Variants in LRRIQ1 observed in about 807,000 individuals in gnomAD.
LRRIQ1 encodes leucine-rich repeat- and IQ domain-containing protein 1.
In LRRIQ1, 210 loss-of-function variants were observed where a neutral mutation model predicts 211.9. The observed-to-expected ratio is 0.99, with a 90% CI of 0.89 to 1.11. The LOEUF (loss-of-function observed/expected upper bound fraction) is 1.11. Ranked by LOEUF, LRRIQ1 falls within the 50% of genes most tolerant of loss-of-function variation. LRRIQ1 has a pLI of 0.00. For synonymous variants in LRRIQ1, 699 were observed against 650.1 expected (o/e 1.08, Z -1.14); for missense variants, 2,136 against 1,939.5 (o/e 1.10, Z -1.90).
At chr12:85,069,894 G>A (rs530453605) in intron 10 of LRRIQ1, among the ~76,000 whole-genome samples, 1 of 151,950 alleles carries the variant, frequency 6.6e-6, no homozygotes, top group African/African-American at 2.4e-5. Flanking sequence ...TAGGTTGCCT[G>A]TTCACTCTGA....
intron 25 of LRRIQ1, among the ~76,000 whole-genome samples, chr12:85,230,129 G>GTGAGC (rs899752184): frequency 1.2e-4 from 19 of 152,146 alleles, no homozygotes; most frequent in African/African-American, 4.6e-4. Flanking sequence ...TGGCGTACAG[G>GTGAGC]TGAGCTACAA....
At chr12:85,051,469 T>TGATG (rs1191688918) in intron 6 of LRRIQ1, among the ~76,000 whole-genome samples, 2 of 152,190 alleles carry the variant, frequency 1.3e-5, no homozygotes, top group African/African-American at 4.8e-5. Context: ...ATAAAAACAG[T>TGATG]GATGTAATTA....
intron 11 of LRRIQ1, among the ~76,000 whole-genome samples, chr12:85,082,734 T>G: frequency 6.6e-6 from 1 of 152,252 alleles, no homozygotes; most frequent in Non-Finnish European, 1.5e-5. Context: ...TGTTTTATTA[T>G]TTCTGCTAAC....
chr12:85,233,430 G>T (rs1156700562), intron 26 of LRRIQ1, among the ~76,000 whole-genome samples: 2 of 152,016 alleles, frequency 1.3e-5, no homozygotes, highest in Non-Finnish European at 2.9e-5. Flanking sequence ...GGCCTTTTTG[G>T]TAGGTGAAAA....
intron 11 of LRRIQ1, among the ~76,000 whole-genome samples, chr12:85,087,985 A>G (rs1327753096): frequency 6.6e-6 from 1 of 152,128 alleles, no homozygotes; most frequent in Non-Finnish European, 1.5e-5. Context: ...TTTTGTTGCC[A>G]TTGCTTTCGG....
At chr12:85,113,907 T>TTGTGTGTG (rs71076112) in intron 15 of LRRIQ1, among the ~76,000 whole-genome samples, 6,533 of 140,872 alleles carry the variant, frequency 0.046, 316 homozygotes, top group African/African-American at 0.12. Flanking sequence ...CAAATGAGTT[T>TTGTGTGTG]TGTGTGTGTG....
chr12:85,040,000 T>TA (rs1333595137), intron 2 of LRRIQ1, among the ~76,000 whole-genome samples: 1 of 151,642 alleles, frequency 6.6e-6, no homozygotes, highest in Non-Finnish European at 1.5e-5. Context: ...ACATAGGCTA[T>TA]ATTGGTAGAT....
At chr12:85,174,612 G>A (rs1329135853) in intron 24 of LRRIQ1, among the ~76,000 whole-genome samples, 1 of 144,348 alleles carries the variant, frequency 6.9e-6, no homozygotes, top group African/African-American at 2.6e-5. Context: ...TGAGAAAAGA[G>A]AATCACTTGA....
chr12:85,109,934 C>T (rs1462279160), intron 15 of LRRIQ1, among the ~76,000 whole-genome samples: 3 of 152,016 alleles, frequency 2.0e-5, no homozygotes, highest in African/African-American at 7.2e-5. Flanking sequence ...GTAGCTGGGA[C>T]AAGAGGTGTA....
intron 24 of LRRIQ1, among the ~76,000 whole-genome samples, chr12:85,192,507 A>AAT (rs1328661967): frequency 8.1e-6 from 1 of 123,932 alleles, no homozygotes; most frequent in Non-Finnish European, 1.6e-5. Context: ...ATTATATATA[A>AAT]ATATATATAG....
chr12:85,243,727 T>C (rs1895580721), intron 26 of LRRIQ1, among the ~76,000 whole-genome samples: 1 of 151,410 alleles, frequency 6.6e-6, no homozygotes, highest in African/African-American at 2.4e-5. Flanking sequence ...TAGAAGTATA[T>C]TAAAATAAAT....
At chr12:85,225,027 A>G (rs554081464) in intron 24 of LRRIQ1, among the ~76,000 whole-genome samples, 27 of 152,162 alleles carry the variant, frequency 1.8e-4, no homozygotes, top group Non-Finnish European at 3.8e-4. Context: ...AAGAAGACAT[A>G]TAATTACAGT....
intron 12 of LRRIQ1, 111 bp from the exon 13 acceptor site, chr12:85,098,756 C>A: frequency 1.2e-6 from 1 of 802,626 alleles, no homozygotes; most frequent in Non-Finnish European, 1.9e-6. Context: ...ATGATATGCA[C>A]TTTATCAGAA....
At chr12:85,124,725 T>A (rs913724464) in intron 17 of LRRIQ1, 2 of 486,156 alleles carry the variant, frequency 4.1e-6, no homozygotes, top group African/African-American at 4.0e-5. Context: ...TTGATTAAAT[T>A]CTCATTTAAT....
chr12:85,256,407 C>T (rs1349832605), intron 1 of LRRIQ1, among the ~76,000 whole-genome samples: 1 of 151,458 alleles, frequency 6.6e-6, no homozygotes, highest in East Asian at 1.9e-4. Flanking sequence ...ATTTTTCACA[C>T]TAGCTAATGT....
In LRRIQ1 at chr12:85,229,517, G is replaced by A. The variant is rs748852028; in HGVS notation, c.4823G>A (p.Gly1608Asp). The A allele has an allele frequency of 3.1e-6, 5 of 1,605,000 alleles. No individual in the cohort carries two copies. In the African/African-American group the frequency reaches 4.1e-5, roughly 13 times the overall value. ...TACACGTTCCATATTTCTTTCACAGGTATAGAAGAAGACCCTATCCACAAA... is the reference window on the plus strand; with the variant it reads ...TACACGTTCCATATTTCTTTCACAGATATAGAAGAAGACCCTATCCACAAA... The part of the protein sequence containing the change: ...VQPRRDGYFE[G>D]IEEDPIHKDT... Residue 1608 changes from glycine to aspartate, a missense_variant and splice_region_variant, in exon 25 of 27, where the codon GGT becomes GAT. Transcript: ENST00000393217.
intron 19 of LRRIQ1, among the ~76,000 whole-genome samples, chr12:85,145,766 A>G (rs541678084): frequency 6.6e-6 from 1 of 151,838 alleles, no homozygotes; most frequent in African/African-American, 2.4e-5. Context: ...CAGACAGCAA[A>G]CAAATTTCTG....
intron 25 of LRRIQ1, 62 bp downstream of exon 25, chr12:85,229,711 T>C: frequency 6.5e-7 from 1 of 1,530,408 alleles, no homozygotes; most frequent in South Asian, 1.2e-5. Context: ...AATTGAAACC[T>C]AGGTTAATTG....
chr12:85,072,932 A>T lies in LRRIQ1; in HGVS notation c.2721A>T (p.Lys907Asn), dbSNP rs766360168. Reference protein sequence around the residue: ...RIGYSFFLEEKLVDNAGFCHH... With the variant: ...RIGYSFFLEENLVDNAGFCHH... ...GATATTCCTTCTTTCTGGAAGAAAA[A>T]CTTGTTGACAATGCAGGGTTCTGCC... Residue 907 changes from lysine to asparagine, a missense_variant, in exon 11 of 27, where the codon AAA becomes AAT. Coordinates refer to ENST00000393217, the MANE Select transcript of LRRIQ1 (RefSeq NM_001079910.2). 1.9e-6 allele frequency: 3 copies of T among 1,608,664 alleles called. No individual in the cohort carries two copies. In the South Asian group the frequency reaches 3.3e-5, roughly 18 times the overall value.
Sources: allele counts gnomAD v4.1 joint callset (sites outside exome capture counted in the v4.1 genomes callset), GRCh38; gene constraint gnomAD v4.1.1; transcripts MANE v1.5; gene names NCBI Gene and HGNC (gene_info 2026-07-23, HGNC 2026-07-21).